The following BPHL variants were observed in gnomAD, a reference collection of about 807,000 sequenced individuals.
BPHL encodes serine hydrolase BPHL.
BPHL carries 27 observed loss-of-function variants against 31.2 expected under a neutral mutation model. That is an observed-to-expected ratio of 0.87 (90% confidence interval 0.64 to 1.19). The LOEUF (loss-of-function observed/expected upper bound fraction) is 1.19. Ranked by LOEUF, BPHL falls within the 50% of genes most tolerant of loss-of-function variation. The probability of loss-of-function intolerance (pLI) is 0.00; values close to 1 mark genes in which losing one functional copy is unlikely to be tolerated. For synonymous variants in BPHL, 150 were observed against 146.8 expected (o/e 1.02, Z -0.16); for missense variants, 356 against 375.7 (o/e 0.95, Z 0.43).
intron 4 of BPHL, among the ~76,000 whole-genome samples, chr6:3,131,396 C>T (rs993014684): frequency 2.0e-5 from 3 of 152,166 alleles, no homozygotes; most frequent in Non-Finnish European, 4.4e-5. Context: ...CAGTCCTCCT[C>T]TGCCCTCTTC....
At chr6:3,137,538 G>A in intron 5 of BPHL, 45 bp downstream of exon 5, 2 of 1,609,722 alleles carry the variant, frequency 1.2e-6, no homozygotes, top group East Asian at 2.2e-5. Context: ...TATAGAGGGT[G>A]CTCGAGTTCC....
Position 3,140,641 on chromosome 6 carries a change from G to A in BPHL, c.788+132G>A. On this transcript the variant is annotated intron_variant, in intron 6 of 6. Transcript: ENST00000380379. The surrounding 1 kb of genome is among the most constrained non-coding windows in gnomAD (Gnocchi z 5.2). ...GCCCCCCTTTTGCCAATGCCAGTCAGTAGCACCGCTTTATTTAGGGTACCA... is the reference window on the plus strand; with the variant it reads ...GCCCCCCTTTTGCCAATGCCAGTCAATAGCACCGCTTTATTTAGGGTACCA... 1 of 1,357,886 alleles carries A rather than the reference G, an allele frequency of 7.4e-7. No homozygotes were observed. Among genetic ancestry groups the A allele is most frequent in the Non-Finnish European group, 1.0e-6 (1 of 992,016 alleles). 84.1% of individuals were successfully genotyped at this position (1,357,886 alleles called of 1,614,324 possible). A position where few individuals can be genotyped will look rare whatever the true frequency, so the allele number is the denominator to read the frequency against.
chr6:3,134,824 G>T (rs1761967900), intron 4 of BPHL, among the ~76,000 whole-genome samples: 1 of 151,736 alleles, frequency 6.6e-6, no homozygotes, highest in African/African-American at 2.4e-5. Flanking sequence ...GGATGGTCTC[G>T]ATCTCCTGAC....
At position 3,153,519 on chromosome 6, in the gene BPHL, A is replaced by C; in HGVS notation, c.*944A>C. 5.0e-6 allele frequency: 2 copies of C among 399,950 alleles called. No individual in the cohort carries two copies. Among genetic ancestry groups the C allele is most frequent in the Non-Finnish European group, 9.1e-6 (2 of 219,896 alleles). The allele number at this position is 399,950 out of a possible 1,614,324, so 24.8% of individuals were successfully genotyped here. On this transcript the variant is annotated 3_prime_UTR_variant, in exon 7 of 7. Coordinates refer to ENST00000380379, the MANE Select transcript of BPHL (RefSeq NM_004332.4). ...AAGGACAGGAATGTTATTAATTAAAACACTAAAGCAGAAATCCTACATTGC... is the reference window on the plus strand; with the variant it reads ...AAGGACAGGAATGTTATTAATTAAACCACTAAAGCAGAAATCCTACATTGC...
intron 6 of BPHL, among the ~76,000 whole-genome samples, chr6:3,142,794 C>G (rs1164466195): frequency 1.3e-5 from 2 of 152,154 alleles, no homozygotes; most frequent in Non-Finnish European, 2.9e-5. Context: ...ACAGGTTTTG[C>G]ACAGTGACAC....
intron 1 of BPHL, chr6:3,119,471 GCTTTATTCT>G (rs778382865): frequency 6.2e-7 from 1 of 1,613,958 alleles, no homozygotes; most frequent in East Asian, 2.2e-5. Flanking sequence ...CCAGGAATCT[GCTTTATTCT>G]CTTTTGTCCT....
intron 6 of BPHL, among the ~76,000 whole-genome samples, chr6:3,151,711 A>G (rs758654899): frequency 1.1e-4 from 16 of 152,240 alleles, no homozygotes; most frequent in African/African-American, 2.7e-4. Flanking sequence ...TACTGTTTCT[A>G]TACTTTTGTA....
In BPHL at chr6:3,129,216, G is replaced by A; in HGVS notation, c.532+18G>A. 2 of 1,535,310 alleles carry A rather than the reference G, an allele frequency of 1.3e-6. No homozygotes were observed. The highest frequency in any genetic ancestry group is 1.7e-6 in the Non-Finnish European group (2 of 1,143,352). ...ATATGAGGGTAGGTTCTGCGAAGGGGAGATGCCGGGACGGCAGATCCTTCC... is the reference window on the plus strand; with the variant it reads ...ATATGAGGGTAGGTTCTGCGAAGGGAAGATGCCGGGACGGCAGATCCTTCC... On this transcript the variant is annotated intron_variant, in intron 4 of 6. Transcript: ENST00000380379.
At chr6:3,136,547 A>G (rs1010226166) in intron 4 of BPHL, among the ~76,000 whole-genome samples, 3 of 152,236 alleles carry the variant, frequency 2.0e-5, no homozygotes, top group Non-Finnish European at 4.4e-5. Context: ...GAATTCACTA[A>G]GCACACAGTG....
At chr6:3,122,997 G>C (rs1299817543) in intron 1 of BPHL, among the ~76,000 whole-genome samples, 1 of 152,200 alleles carries the variant, frequency 6.6e-6, no homozygotes, top group Non-Finnish European at 1.5e-5. Flanking sequence ...GTCCACCCTC[G>C]TTTCACGCCA....
rs1762461476 is a variant in BPHL, at chr6:3,149,329, A to G, written c.789-3159A>G. Among the ~76,000 whole-genome samples, 1 of 148,666 alleles carries G rather than the reference A, an allele frequency of 6.7e-6. No individual in the cohort carries two copies. The highest frequency in any genetic ancestry group is 2.5e-5 in the African/African-American group (1 of 39,588). ...GTCCCCACAGTCACAGCAGATTTGG[A>G]AAGGCTTTGTCCTCCACACACCACT... On this transcript the variant is annotated intron_variant, in intron 6 of 6. Coordinates refer to ENST00000380379, the MANE Select transcript of BPHL (RefSeq NM_004332.4). This position sits in a 1 kb window ranked among gnomAD's most constrained non-coding sequence, Gnocchi z 4.6.
intron 2 of BPHL, among the ~76,000 whole-genome samples, chr6:3,126,386 G>C (rs1429453424): frequency 2.0e-5 from 3 of 152,164 alleles, no homozygotes; most frequent in African/African-American, 7.2e-5. Flanking sequence ...AGATAACCCA[G>C]AAGCATATCT....
chr6:3,129,068 T>A lies in BPHL; in HGVS notation c.402T>A (p.Ser134=). The A allele has an allele frequency of 1.2e-6, 2 of 1,614,270 alleles. No homozygotes were observed. Among genetic ancestry groups the A allele is most frequent in the Non-Finnish European group, 1.7e-6 (2 of 1,180,046 alleles). Residue 134 remains serine, a synonymous_variant, in exon 4 of 7, where the codon TCT becomes TCA. Coordinates refer to ENST00000380379, the MANE Select transcript of BPHL (RefSeq NM_004332.4). ...AGGCGCTGAAGTTTAAGAAGGTTTC[T>A]CTGCTGGGGTGGAGTGATGGGGGCA... ...LMKALKFKKV[S]LLGWSDGGIT...
chr6:3,152,241 T>C (rs958146684), intron 6 of BPHL, among the ~76,000 whole-genome samples: 1 of 152,242 alleles, frequency 6.6e-6, no homozygotes, highest in African/African-American at 2.4e-5. Flanking sequence ...CCAAATATAA[T>C]GTGTGTCTGC....
intron 3 of BPHL, 118 bp from the exon 4 acceptor site, chr6:3,128,927 T>A: frequency 1.4e-6 from 2 of 1,475,244 alleles, no homozygotes; most frequent in Non-Finnish European, 1.9e-6. Flanking sequence ...GGTTTTTCTT[T>A]TCTGACTAAT....
At chr6:3,126,126 G>A (rs1197681729) in intron 2 of BPHL, among the ~76,000 whole-genome samples, 1 of 152,152 alleles carries the variant, frequency 6.6e-6, no homozygotes, top group African/African-American at 2.4e-5. Context: ...CTGTTCTGAT[G>A]AAACTGATTT....
rs1219470610 is a variant in BPHL, at chr6:3,153,056, TAAAA to T, written c.*484_*487del. On this transcript the variant is annotated 3_prime_UTR_variant, in exon 7 of 7. Coordinates refer to ENST00000380379, the MANE Select transcript of BPHL (RefSeq NM_004332.4). ...AAAAAAATAAAAACATAAAAAAAAA[TAAAA>T]AAGGAATAAAGCCTCTAACTTCAAT... is the stretch of plus-strand genomic sequence containing the variant. 6.6e-6 allele frequency: 1 copy of T among 151,678 alleles called. No homozygotes were observed. The highest frequency in any genetic ancestry group is 2.4e-5 in the African/African-American group (1 of 41,256). The allele number at this position is 151,678 out of a possible 1,614,324, so 9.4% of individuals were successfully genotyped here.
intron 1 of BPHL, chr6:3,119,151 A>G (rs2113739260): frequency 1.2e-6 from 1 of 809,958 alleles, no homozygotes; most frequent in Non-Finnish European, 2.0e-6. Flanking sequence ...CCAGGGAGAT[A>G]CATTTGCCTG....
At chr6:3,122,576 C>T (rs1017571125) in intron 1 of BPHL, among the ~76,000 whole-genome samples, 5 of 152,186 alleles carry the variant, frequency 3.3e-5, no homozygotes, top group Non-Finnish European at 5.9e-5. Context: ...ACCCATAATT[C>T]AGGCAGCACA....
Sources: allele counts gnomAD v4.1 joint callset (sites outside exome capture counted in the v4.1 genomes callset), GRCh38; gene constraint gnomAD v4.1.1; non-coding constraint Gnocchi (gnomAD v3.1); transcripts MANE v1.5; gene names NCBI Gene and HGNC (gene_info 2026-07-23, HGNC 2026-07-21).